The following PBX4 variants were observed in gnomAD, a reference collection of about 807,000 sequenced individuals.
The protein encoded by PBX4 is pre-B-cell leukemia transcription factor 4.
A neutral mutation model predicts 35.1 loss-of-function variants in PBX4; 26 were observed. The observed-to-expected ratio is 0.74, with a 90% confidence interval of 0.54 to 1.03. PBX4 has a LOEUF of 1.03. Ranked by LOEUF, PBX4 falls within the 50% of genes least tolerant of loss-of-function variation. The pLI is 0.00. For synonymous variants in PBX4, 199 were observed against 204.2 expected (o/e 0.97, Z 0.22); for missense variants, 448 against 504.3 (o/e 0.89, Z 1.07).
intron 2 of PBX4, among the ~76,000 whole-genome samples, chr19:19,585,552 C>T (rs1262256927): frequency 1.3e-5 from 2 of 152,092 alleles, no homozygotes; most frequent in African/African-American, 4.8e-5. Flanking sequence ...GTGTGTCAGG[C>T]CTCTGAGCCC....
chr19:19,566,909 C>T lies in PBX4; in HGVS notation c.769-1820G>A, dbSNP rs539013646. Among the ~76,000 whole-genome samples, 16 of 152,228 alleles carry T rather than the reference C, an allele frequency of 1.1e-4. No homozygotes were observed. The East Asian group carries it at 3.1e-3, about 29-fold the overall frequency. On this transcript the variant is annotated intron_variant, in intron 5 of 7. Coordinates refer to ENST00000251203, the MANE Select transcript of PBX4 (RefSeq NM_025245.3). ...ATTTCCAGTAGCCACGGGGTTTCAC[C>T]ATGTTGGCCAGGCTGGTCTCGAACT...
intron 2 of PBX4, among the ~76,000 whole-genome samples, chr19:19,584,675 G>A (rs2061477602): frequency 6.7e-6 from 1 of 148,868 alleles, no homozygotes; most frequent in Non-Finnish European, 1.5e-5. Flanking sequence ...GCCTAAACTG[G>A]AGTGCAGTGG....
chr19:19,616,162 A>G (rs1322307351), intron 1 of PBX4, among the ~76,000 whole-genome samples: 1 of 152,040 alleles, frequency 6.6e-6, no homozygotes, highest in Admixed American at 6.6e-5. Flanking sequence ...CAGGACCCAG[A>G]CACAGTGGGC....
intron 1 of PBX4, among the ~76,000 whole-genome samples, chr19:19,616,928 T>C (rs149436014): frequency 0.041 from 6,160 of 151,874 alleles, 272 homozygotes; most frequent in African/African-American, 0.094. Context: ...GTGATTCACC[T>C]GCCTTGGCCT....
Position 19,563,112 on chromosome 19 carries a change from C to T in PBX4, c.1032+397G>A, listed in dbSNP as rs543170572. On this transcript the variant is annotated intron_variant, in intron 7 of 7. Transcript: ENST00000251203. The surrounding 1 kb of genome is among the most constrained non-coding windows in gnomAD (Gnocchi z 5.1). ...ACTCGCTGCCTTCCCAGCCAAGCTG[C>T]GGCACTGAGGTCTGAGCCCGAGGGA... 8.5e-5 allele frequency among the ~76,000 whole-genome samples: 13 copies of T among 152,280 alleles called. No homozygotes were observed. The highest frequency in any genetic ancestry group is 3.4e-3 in the Middle Eastern group (1 of 294).
Sources: gnomAD v4.1 joint callset for allele counts (sites outside exome capture counted in the v4.1 genomes callset) on GRCh38, gnomAD v4.1.1 for gene constraint, Gnocchi (gnomAD v3.1) non-coding constraint, MANE v1.5 for transcripts, NCBI Gene and HGNC (gene_info 2026-07-23, HGNC 2026-07-21) for gene names.